The following RNF157 variants were observed in gnomAD, a reference collection of about 807,000 sequenced individuals.
RNF157 encodes ring finger protein 157.
Under a neutral mutation model 88.3 loss-of-function variants are expected in RNF157, and 55 were observed. That is an observed-to-expected ratio of 0.62 (90% CI 0.50 to 0.78). The LOEUF is 0.78. Among genes scored for constraint, RNF157 ranks in the 30% least tolerant of loss-of-function variants. The pLI is 0.00. For missense variants in RNF157, 788 were observed against 860.8 expected, an observed-to-expected ratio of 0.92 and a Z score of 1.06; for synonymous variants, 334 against 341.2, an observed-to-expected ratio of 0.98 and a Z score of 0.23.
chr17:76,235,043 C>T (rs1423595185), intron 1 of RNF157, among the ~76,000 whole-genome samples: 1 of 152,192 alleles, frequency 6.6e-6, no homozygotes, highest in Non-Finnish European at 1.5e-5. Flanking sequence ...ACCACACTAT[C>T]TTGATTACTG....
chr17:76,198,753 C>T (rs776843885), intron 2 of RNF157, among the ~76,000 whole-genome samples: 1 of 152,172 alleles, frequency 6.6e-6, no homozygotes, highest in Non-Finnish European at 1.5e-5. Flanking sequence ...AGTTTAAAGC[C>T]CATTAGTGGT....
chr17:76,192,964 G>C (rs1398888197), intron 2 of RNF157, among the ~76,000 whole-genome samples: 1 of 151,318 alleles, frequency 6.6e-6, no homozygotes, highest in Non-Finnish European at 1.5e-5. Context: ...GTGAGTAACA[G>C]CCGCGCGCCA....
rs187864579 is a variant in RNF157, at chr17:76,195,013, T to G, written c.207+17351A>C. Among the ~76,000 whole-genome samples the G allele has an allele frequency of 9.2e-5, 14 of 151,962 alleles. No individual in the cohort carries two copies. In the East Asian group the frequency reaches 2.3e-3, roughly 25 times the overall value. ...CTGGGTGACAGAGCGAGACTCTGTC[T>G]CAAAAAAACAAAACAAAACACAAGA... On this transcript the variant is annotated intron_variant, in intron 2 of 18. Transcript: ENST00000269391. This position sits in a 1 kb window ranked among gnomAD's most constrained non-coding sequence, Gnocchi z 4.4.
intron 2 of RNF157, among the ~76,000 whole-genome samples, chr17:76,192,450 T>C (rs1214435817): frequency 1.3e-5 from 2 of 152,232 alleles, no homozygotes; most frequent in African/African-American, 4.8e-5. Flanking sequence ...AGGAATCCTC[T>C]TCGTGTTACC....
chr17:76,226,527 A>T lies in RNF157; in HGVS notation c.88+13626T>A, dbSNP rs868737978. ...ATACCCAACAGGGCACCAAAGTCGA[A>T]CTCCTTCAAATCCATTTTCTCCAAC... is the stretch of plus-strand genomic sequence containing the variant. On this transcript the variant is annotated intron_variant, in intron 1 of 18. Transcript: ENST00000269391. The T allele has an allele frequency of 4.3e-6, 7 of 1,613,240 alleles. No homozygotes were observed. In the South Asian group the frequency reaches 6.6e-5, roughly 15 times the overall value.
chr17:76,143,891 C>T lies in RNF157; in HGVS notation c.*1344G>A, dbSNP rs1391992670. 6.6e-6 allele frequency: 1 copy of T among 152,370 alleles called. No homozygotes were observed. The highest frequency in any genetic ancestry group is 2.4e-5 in the African/African-American group (1 of 41,418). The allele number at this position is 152,370 out of a possible 1,614,324, so 9.4% of individuals were successfully genotyped here. ...GTTCAAGCGATTCTCCTGCCTCAGC[C>T]TCCCGAGTAGCTGGGGAGGGCCCTT... On this transcript the variant is annotated 3_prime_UTR_variant, in exon 19 of 19. Coordinates refer to ENST00000269391, the MANE Select transcript of RNF157 (RefSeq NM_052916.3).
intron 8 of RNF157, 123 bp downstream of exon 8, chr17:76,164,621 AAAAG>A (rs1699519484): frequency 1.9e-6 from 1 of 530,558 alleles, no homozygotes; most frequent in African/African-American, 2.0e-5. Context: ...TAAAAAAAAA[AAAAG>A]AGGAAAAGGA....
In RNF157 at chr17:76,145,286, G is replaced by T. The variant is rs758580631; in HGVS notation, c.1989C>A (p.Ser663Arg). Residue 663 changes from serine (S) to arginine (R), a missense_variant, in exon 19 of 19, where the codon AGC becomes AGA. Ser to Arg is a moderately radical substitution (Grantham distance 110). Transcript: ENST00000269391. The stretch of plus-strand genomic sequence containing the variant: ...AGGGCCTCGTCTCAGAGTCCTCCAG[G>T]CTGCTGGATGACAAGCGCCGGCGCT... ...NAQRRRLSSSSLEDSETRPCV... is the reference protein window; with the variant it reads ...NAQRRRLSSSRLEDSETRPCV... 6.2e-7 allele frequency: 1 copy of T among 1,610,260 alleles called. No individual in the cohort carries two copies. The highest frequency in any genetic ancestry group is 1.7e-5 in the Admixed American group (1 of 59,360).
rs761115380 is a variant in RNF157 at position 76,167,833 on chromosome 17, A to G, written c.297-36T>C. 2.3e-5 allele frequency: 37 copies of G among 1,577,530 alleles called. No individual in the cohort carries two copies. In the Admixed American group the frequency reaches 5.6e-4, roughly 24 times the overall value. ...AGAGACTCAGCATTTGCAGAGTAGC[A>G]TATCAATATTTTAAAATTTACCTTT... On this transcript the variant is annotated intron_variant, in intron 3 of 18. Transcript: ENST00000269391.
chr17:76,170,813 A>C (rs373427668), intron 3 of RNF157, among the ~76,000 whole-genome samples: 60 of 152,234 alleles, frequency 3.9e-4, no homozygotes, highest in Non-Finnish European at 3.8e-4. Context: ...CCAGCTTCTA[A>C]AATGTTGTTG....
At chr17:76,190,602 CAAAA>C (rs557182055) in intron 2 of RNF157, among the ~76,000 whole-genome samples, 1 of 102,936 alleles carries the variant, frequency 9.7e-6, no homozygotes, top group Non-Finnish European at 2.0e-5. Flanking sequence ...GACCCCATCT[CAAAA>C]AAAAAAAAAA....
chr17:76,149,815 C>T (rs1454662923), intron 18 of RNF157, among the ~76,000 whole-genome samples: 1 of 152,134 alleles, frequency 6.6e-6, no homozygotes, highest in East Asian at 1.9e-4. Context: ...GGGCAGATCA[C>T]CTGAGGTCAG....
intron 18 of RNF157, among the ~76,000 whole-genome samples, chr17:76,150,467 G>A (rs1387808661): frequency 2.0e-5 from 3 of 152,178 alleles, no homozygotes; most frequent in Non-Finnish European, 4.4e-5. Flanking sequence ...CACTAGCACT[G>A]TTGGCTAAAA....
intron 18 of RNF157, among the ~76,000 whole-genome samples, chr17:76,151,547 G>A (rs796827458): frequency 1.1e-4 from 16 of 152,330 alleles, no homozygotes; most frequent in African/African-American, 3.8e-4. Flanking sequence ...AATTTCTGTC[G>A]TGAAACCCGG....
At chr17:76,233,808 C>T (rs1004614182) in intron 1 of RNF157, among the ~76,000 whole-genome samples, 2 of 152,222 alleles carry the variant, frequency 1.3e-5, no homozygotes, top group Non-Finnish European at 2.9e-5. Flanking sequence ...GCTGGGATTA[C>T]AGGCATGAGT....
intron 1 of RNF157, among the ~76,000 whole-genome samples, chr17:76,238,037 T>C (rs2070311288): frequency 6.6e-6 from 1 of 151,230 alleles, no homozygotes; most frequent in Non-Finnish European, 1.5e-5. Context: ...TAAGCCAATA[T>C]TGCACCACTT....
At chr17:76,199,867 A>C (rs1284180152) in intron 2 of RNF157, among the ~76,000 whole-genome samples, 1 of 152,200 alleles carries the variant, frequency 6.6e-6, no homozygotes, top group African/African-American at 2.4e-5. Flanking sequence ...AGTTGAATAA[A>C]GTGCTTTTTG....
rs1239886175 is a variant in RNF157, at chr17:76,222,591, C to T, written c.89-10109G>A. On this transcript the variant is annotated intron_variant, in intron 1 of 18. Coordinates refer to ENST00000269391, the MANE Select transcript of RNF157 (RefSeq NM_052916.3). ...GATACAGAACTTTACCAAAATTATCCCTGATTTTCATCTGTAAGATATTCT... is the reference window on the plus strand; with the variant it reads ...GATACAGAACTTTACCAAAATTATCTCTGATTTTCATCTGTAAGATATTCT... Among the ~76,000 whole-genome samples, 7 of 152,074 alleles carry T rather than the reference C, an allele frequency of 4.6e-5. 1 individual carries two copies. Among genetic ancestry groups the T allele is most frequent in the Admixed American group, 4.6e-4 (7 of 15,238 alleles).
intron 1 of RNF157, among the ~76,000 whole-genome samples, chr17:76,214,495 C>T (rs1282359131): frequency 6.6e-6 from 1 of 152,192 alleles, no homozygotes; most frequent in Non-Finnish European, 1.5e-5. Flanking sequence ...AGGTTCTTCA[C>T]ACTTTAACTT....
Sources: gnomAD v4.1 joint callset for allele counts (sites outside exome capture counted in the v4.1 genomes callset) on GRCh38, gnomAD v4.1.1 for gene constraint, Gnocchi (gnomAD v3.1) non-coding constraint, MANE v1.5 for transcripts, NCBI Gene and HGNC (gene_info 2026-07-23, HGNC 2026-07-21) for gene names.